The following CDH13 variants were observed in gnomAD, a reference collection of about 807,000 sequenced individuals.
CDH13 encodes cadherin 13.
CDH13 carries 24 observed loss-of-function variants against 63.8 expected under a neutral mutation model. That is an observed-to-expected ratio of 0.38 (90% CI 0.27 to 0.53). The LOEUF (loss-of-function observed/expected upper bound fraction) is 0.53. Among genes scored for constraint, CDH13 ranks in the 20% least tolerant of loss-of-function variants. CDH13 has a pLI of 0.85. For missense variants in CDH13, 1,049 were observed against 903.1 expected, an observed-to-expected ratio of 1.16 and a Z score of -2.07; for synonymous variants, 503 against 355.3, an observed-to-expected ratio of 1.42 and a Z score of -4.67.
intron 6 of CDH13, among the ~76,000 whole-genome samples, chr16:83,482,407 C>G (rs2073791981): frequency 6.6e-6 from 1 of 152,230 alleles, no homozygotes; most frequent in Non-Finnish European, 1.5e-5. Flanking sequence ...GAGACACCCT[C>G]TCTTGGAGAT....
chr16:83,366,650 C>T (rs551759398), intron 6 of CDH13, among the ~76,000 whole-genome samples: 1 of 152,184 alleles, frequency 6.6e-6, no homozygotes, highest in Non-Finnish European at 1.5e-5. Context: ...TCCAGATAGT[C>T]TCCTGACACC....
At chr16:82,759,352 G>A (rs2034741665) in intron 1 of CDH13, among the ~76,000 whole-genome samples, 2 of 152,036 alleles carry the variant, frequency 1.3e-5, no homozygotes, top group African/African-American at 4.8e-5. Flanking sequence ...TATTCAAACT[G>A]AGACAATAAA....
intron 5 of CDH13, among the ~76,000 whole-genome samples, chr16:83,282,130 C>T (rs1477830344): frequency 6.6e-6 from 1 of 152,134 alleles, no homozygotes; most frequent in African/African-American, 2.4e-5. Context: ...GCAGTCAGAG[C>T]ATACACCACA....
At chr16:83,045,634 TAAAAAAAAAA>T (rs71382861) in intron 3 of CDH13, among the ~76,000 whole-genome samples, 7 of 107,956 alleles carry the variant, frequency 6.5e-5, no homozygotes, top group African/African-American at 1.1e-4. Context: ...AAGATTCCTT[TAAAAAAAAAA>T]AAAAAAAAAA....
intron 13 of CDH13, among the ~76,000 whole-genome samples, chr16:83,787,042 T>C (rs1915931421): frequency 6.6e-6 from 1 of 152,230 alleles, no homozygotes; most frequent in East Asian, 1.9e-4. Context: ...TTTTATCCTT[T>C]TACTACACAC....
chr16:83,046,371 C>A (rs1917784215), intron 3 of CDH13, among the ~76,000 whole-genome samples: 1 of 152,114 alleles, frequency 6.6e-6, no homozygotes, highest in Admixed American at 6.5e-5. Context: ...TTTCTTCCAG[C>A]AGAAAACCAA....
chr16:82,661,514 G>A (rs1225999590), intron 1 of CDH13, among the ~76,000 whole-genome samples: 1 of 152,238 alleles, frequency 6.6e-6, no homozygotes, highest in Non-Finnish European at 1.5e-5. Context: ...CCCAAGCAGG[G>A]AATTAGCGCA....
At chr16:83,765,644 T>A (rs1294800392) in intron 11 of CDH13, among the ~76,000 whole-genome samples, 1 of 152,104 alleles carries the variant, frequency 6.6e-6, no homozygotes, top group Non-Finnish European at 1.5e-5. Flanking sequence ...TGATCTTAAG[T>A]TTAAAAACAA....
chr16:83,554,248 C>T (rs1268840168), intron 7 of CDH13, among the ~76,000 whole-genome samples: 2 of 150,234 alleles, frequency 1.3e-5, no homozygotes. Context: ...TGGAGGAGAG[C>T]CAAAATTTGA....
chr16:83,580,112 G>C (rs937231129), intron 7 of CDH13, among the ~76,000 whole-genome samples: 5 of 152,110 alleles, frequency 3.3e-5, no homozygotes, highest in African/African-American at 1.2e-4. Context: ...AGATCTCCAA[G>C]GGCCTATGGT....
intron 1 of CDH13, among the ~76,000 whole-genome samples, chr16:82,756,758 G>A (rs1360001053): frequency 1.3e-5 from 2 of 152,194 alleles, no homozygotes; most frequent in Non-Finnish European, 2.9e-5. Context: ...GTACCTGAGA[G>A]CATTCTTGGA....
chr16:82,860,388 TGGG>T (rs368818163), intron 2 of CDH13, among the ~76,000 whole-genome samples: 3 of 63,076 alleles, frequency 4.8e-5, no homozygotes, highest in Non-Finnish European at 6.0e-5. Context: ...TGTGTGTGTG[TGGG>T]GGGGGGGGCG....
At chr16:83,286,911 A>G (rs1274683393) in intron 5 of CDH13, among the ~76,000 whole-genome samples, 1 of 151,864 alleles carries the variant, frequency 6.6e-6, no homozygotes, top group Non-Finnish European at 1.5e-5. Context: ...CAAGGGCTGG[A>G]TATTTGATTC....
intron 5 of CDH13, among the ~76,000 whole-genome samples, chr16:83,266,849 C>G (rs578133235): frequency 6.6e-6 from 1 of 152,322 alleles, no homozygotes; most frequent in African/African-American, 2.4e-5. Context: ...ACTCTTCACT[C>G]ACCATTCCTG....
chr16:83,780,134 T>C lies in CDH13; in HGVS notation c.1848T>C (p.Asp616=). 6.2e-7 allele frequency: 1 copy of C among 1,613,030 alleles called. No homozygotes were observed. Among genetic ancestry groups the C allele is most frequent in the South Asian group, 1.1e-5 (1 of 90,800 alleles). ...ASDKDLHPNT[D]PFKFEIHKQA... is the part of the protein sequence containing the mutation. Reference sequence around the variant, plus strand: ...ATAAGGATCTTCACCCGAATACAGATCCTTTCAAATTTGAAATCCACAAAC... The same window carrying C: ...ATAAGGATCTTCACCCGAATACAGACCCTTTCAAATTTGAAATCCACAAAC... The change falls in exon 12 of 14, where the codon GAT becomes GAC. Residue 616 remains aspartate, a synonymous_variant. Coordinates refer to ENST00000567109, the MANE Select transcript of CDH13 (RefSeq NM_001257.5).
chr16:82,889,489 G>T (rs1308796726), intron 2 of CDH13, among the ~76,000 whole-genome samples: 2 of 152,246 alleles, frequency 1.3e-5, no homozygotes, highest in Non-Finnish European at 1.5e-5. Context: ...GGCACCCACT[G>T]TGTCTGGCAT....
intron 6 of CDH13, among the ~76,000 whole-genome samples, chr16:83,451,924 A>G (rs2072897634): frequency 6.6e-6 from 1 of 152,188 alleles, no homozygotes; most frequent in Admixed American, 6.5e-5. Context: ...TGCATCTGGT[A>G]TGTGTGTGAA....
intron 3 of CDH13, among the ~76,000 whole-genome samples, chr16:83,088,751 A>T (rs2033740651): frequency 6.6e-6 from 1 of 152,238 alleles, no homozygotes; most frequent in Admixed American, 6.5e-5. Context: ...TAGAGTAGAA[A>T]ATGCTTCAAG....
intron 1 of CDH13, among the ~76,000 whole-genome samples, chr16:82,699,012 G>T (rs1443559842): frequency 6.6e-6 from 1 of 151,906 alleles, no homozygotes; most frequent in Non-Finnish European, 1.5e-5. Flanking sequence ...TGCCACATTT[G>T]GCCCGTGAGC....
Sources: allele counts gnomAD v4.1 joint callset (sites outside exome capture counted in the v4.1 genomes callset), GRCh38; gene constraint gnomAD v4.1.1; transcripts MANE v1.5; gene names NCBI Gene and HGNC (gene_info 2026-07-23, HGNC 2026-07-21).